PPP1R21: variants seen among roughly 807,000 people sequenced by gnomAD.
PPP1R21 encodes protein phosphatase 1 regulatory subunit 21, also known as KLRAQ motif containing 1.
A neutral mutation model predicts 112.8 loss-of-function variants in PPP1R21; 85 were observed. That is an observed-to-expected ratio of 0.75 (90% CI 0.63 to 0.90). PPP1R21 has a LOEUF of 0.90. PPP1R21 is among the 40% of genes least tolerant of loss of function. PPP1R21 has a pLI of 0.00. For missense variants in PPP1R21, 1,199 were observed against 901.5 expected (o/e 1.33, Z -4.23); for synonymous variants, 381 against 322.3 (o/e 1.18, Z -1.95).
At chr2:48,492,333 C>A (rs1224367229) in intron 15 of PPP1R21, among the ~76,000 whole-genome samples, 1 of 151,894 alleles carries the variant, frequency 6.6e-6, no homozygotes, top group Non-Finnish European at 1.5e-5. Context: ...TTGTTCTTTT[C>A]TCCTTTTCTC....
At chr2:48,495,979 T>C (rs1414377372) in intron 16 of PPP1R21, among the ~76,000 whole-genome samples, 1 of 152,230 alleles carries the variant, frequency 6.6e-6, no homozygotes, top group Non-Finnish European at 1.5e-5. Flanking sequence ...CAGTTGGTGG[T>C]ATAATTGGAA....
intron 16 of PPP1R21, 112 bp downstream of exon 16, chr2:48,495,883 T>G (rs1669813780): frequency 1.5e-6 from 1 of 661,182 alleles, no homozygotes; most frequent in Admixed American, 2.6e-5. Flanking sequence ...AATAAACATG[T>G]GAAATGAATT....
chr2:48,483,584 T>A (rs1669133573), intron 13 of PPP1R21, among the ~76,000 whole-genome samples: 1 of 152,218 alleles, frequency 6.6e-6, no homozygotes, highest in Admixed American at 6.6e-5. Context: ...GTTAACTGAC[T>A]TGTACTGCTT....
At position 48,514,899 on chromosome 2, in the gene PPP1R21, T is replaced by C. The variant is rs1186840872; in HGVS notation, c.*155T>C. On this transcript the variant is annotated 3_prime_UTR_variant, in exon 22 of 22. Transcript: ENST00000294952. Reference sequence around the variant, plus strand: ...CAGTGTTGGAAACGGCCTTGAAATATTTAAAACATATTTGTAACCAGTGAG... The same window carrying C: ...CAGTGTTGGAAACGGCCTTGAAATACTTAAAACATATTTGTAACCAGTGAG... 3 of 654,626 alleles carry C rather than the reference T, an allele frequency of 4.6e-6. No individual in the cohort carries two copies. The highest frequency in any genetic ancestry group is 5.5e-5 in the East Asian group (2 of 36,544). The allele number at this position is 654,626 out of a possible 1,614,324, so 40.6% of individuals were successfully genotyped here.
Position 48,469,475 on chromosome 2 carries a change from TATATATATAGAGC to T in PPP1R21, c.898-1602_898-1590del, listed in dbSNP as rs1179932160. Among the ~76,000 whole-genome samples, 34 of 85,036 alleles carry T rather than the reference TATATATATAGAGC, an allele frequency of 4.0e-4. 4 individuals are homozygous for T. The highest frequency in any genetic ancestry group is 1.4e-3 in the African/African-American group (31 of 22,296). 55.8% of individuals were successfully genotyped at this position (85,036 alleles called of 152,430 possible). On this transcript the variant is annotated intron_variant, in intron 9 of 21. Transcript: ENST00000294952. ...AGCATATATATATATAGAGCATATA[TATATATATAGAGC>T]ATATATATATATATATAGAGCATAT...
chr2:48,454,542 T>A lies in PPP1R21; in HGVS notation c.127-53T>A, dbSNP rs759262606. ...AATAGAAATAATTTTTAATAAAATT[T>A]CTAAACCTTACAGCTAAACTGTGAG... On this transcript the variant is annotated intron_variant, in intron 2 of 21. Coordinates refer to ENST00000294952, the MANE Select transcript of PPP1R21 (RefSeq NM_001135629.3). 4.4e-4 allele frequency: 699 copies of A among 1,601,174 alleles called. 2 individuals are homozygous for A. Among genetic ancestry groups the A allele is most frequent in the Admixed American group, 6.5e-4 (38 of 58,848 alleles).
rs561353671 is a variant in PPP1R21, at chr2:48,478,852, T to C, written c.1226-1072T>C. On this transcript the variant is annotated intron_variant, in intron 12 of 21. Transcript: ENST00000294952. ...CCCTTAGGCTTGAACTTCTCCACAC[T>C]GTATTACAAATTAAGTCAGTTCCTT... 9.8e-5 allele frequency among the ~76,000 whole-genome samples: 15 copies of C among 152,352 alleles called. No homozygotes were observed. In the South Asian group the frequency reaches 3.1e-3, roughly 32 times the overall value.
Position 48,507,359 on chromosome 2 carries a change from A to C in PPP1R21, c.2059A>C (p.Ser687Arg), listed in dbSNP as rs764054244. Residue 687 changes from serine to arginine, a missense_variant, in exon 19 of 22, where the codon AGT becomes CGT. By Grantham distance (110) the Ser-to-Arg change is moderately radical (BLOSUM62 -1). Transcript: ENST00000294952. ...TACGTCTCAGTTGCAGCTGGCTGAC[A>C]GTAAGTCAGTGCATTTTTATGCCGA... ...ELTSQLQLAD[S>R]KSVHFYAECR... 6.3e-7 allele frequency: 1 copy of C among 1,598,994 alleles called. No individual in the cohort carries two copies. The highest frequency in any genetic ancestry group is 8.5e-7 in the Non-Finnish European group (1 of 1,175,482).
chr2:48,451,969 G>A (rs1558422130), intron 2 of PPP1R21, among the ~76,000 whole-genome samples: 1 of 152,104 alleles, frequency 6.6e-6, no homozygotes, highest in African/African-American at 2.4e-5. Context: ...CTCCTCCTCA[G>A]GTGCTGTTAG....
chr2:48,490,282 G>A (rs1008329115), intron 14 of PPP1R21, among the ~76,000 whole-genome samples: 1 of 151,282 alleles, frequency 6.6e-6, no homozygotes, highest in Non-Finnish European at 1.5e-5. Context: ...TCAGTTTGCA[G>A]TGAAATTAAG....
At chr2:48,508,541 G>A (rs1670488978) in intron 19 of PPP1R21, among the ~76,000 whole-genome samples, 1 of 152,208 alleles carries the variant, frequency 6.6e-6, no homozygotes, top group Non-Finnish European at 1.5e-5. Flanking sequence ...TTGTTGGAAT[G>A]CAGGAAAGGG....
At position 48,501,121 on chromosome 2, in the gene PPP1R21, G is replaced by GT. The variant is rs1558515665; in HGVS notation, c.1935+2389dup. ...GACTGTTTTTACCTCCATATCAGTG[G>GT]TTTAGCATTTAGCTACGGTGTATAA... On this transcript the variant is annotated intron_variant, in intron 17 of 21. Transcript: ENST00000294952. 9.8e-5 allele frequency among the ~76,000 whole-genome samples: 15 copies of GT among 152,302 alleles called. No individual in the cohort carries two copies. The South Asian group carries it at 3.1e-3, about 32-fold the overall frequency.
intron 20 of PPP1R21, among the ~76,000 whole-genome samples, chr2:48,511,055 A>T (rs1312439566): frequency 6.6e-6 from 1 of 152,136 alleles, no homozygotes; most frequent in Non-Finnish European, 1.5e-5. Flanking sequence ...AAATTGATGT[A>T]AATAGTTGTA....
intron 11 of PPP1R21, among the ~76,000 whole-genome samples, chr2:48,473,025 A>T (rs1307988730): frequency 6.6e-6 from 1 of 150,762 alleles, no homozygotes; most frequent in Non-Finnish European, 1.5e-5. Context: ...AAAAGAAAAG[A>T]ATATATAAGT....
chr2:48,441,452 C>CT (rs1160128841), intron 1 of PPP1R21: 1 of 230,460 alleles, frequency 4.3e-6, no homozygotes, highest in Non-Finnish European at 9.3e-6. Flanking sequence ...TTTATCTTCC[C>CT]CCGAATCAAT....
chr2:48,453,512 A>G (rs1415060293), intron 2 of PPP1R21, among the ~76,000 whole-genome samples: 2 of 152,164 alleles, frequency 1.3e-5, no homozygotes, highest in Non-Finnish European at 2.9e-5. Flanking sequence ...AATATACAGT[A>G]TTACATGGCC....
intron 21 of PPP1R21, among the ~76,000 whole-genome samples, chr2:48,514,342 TC>T: frequency 6.6e-6 from 1 of 152,298 alleles, no homozygotes; most frequent in South Asian, 2.1e-4. Context: ...CGCCTCGGCC[TC>T]CCAAAGTGCT....
intron 1 of PPP1R21, among the ~76,000 whole-genome samples, chr2:48,448,424 CTTAAAA>C (rs1364759051): frequency 6.6e-6 from 1 of 151,908 alleles, no homozygotes; most frequent in South Asian, 2.1e-4. Context: ...GGTTTTTTTT[CTTAAAA>C]TTAATTGCTG....
intron 1 of PPP1R21, among the ~76,000 whole-genome samples, chr2:48,447,506 A>C (rs1667299045): frequency 1.3e-5 from 2 of 152,166 alleles, no homozygotes; most frequent in South Asian, 4.1e-4. Context: ...GTTGTTTCTC[A>C]GTTATGTCAT....
Sources: allele counts gnomAD v4.1 joint callset (sites outside exome capture counted in the v4.1 genomes callset), GRCh38; gene constraint gnomAD v4.1.1; transcripts MANE v1.5; gene names NCBI Gene and HGNC (gene_info 2026-07-23, HGNC 2026-07-21).